RAB38: variants seen among roughly 807,000 people sequenced by gnomAD.
The protein encoded by RAB38 is RAB38, member RAS oncogene family, also known as ras-related protein Rab-38.
A neutral mutation model predicts 18.4 loss-of-function variants in RAB38; 15 were observed. That is an observed-to-expected ratio of 0.82 (90% confidence interval 0.55 to 1.26). The LOEUF (loss-of-function observed/expected upper bound fraction) is 1.26, where lower values mean the gene tolerates loss of function less well. Among genes scored for constraint, RAB38 ranks in the 50% most tolerant of loss-of-function variants. The pLI, the probability that RAB38 is intolerant of heterozygous loss-of-function variation, is 0.00. For missense variants in RAB38, 294 were observed against 267.4 expected (o/e 1.10, Z -0.69); for synonymous variants, 101 against 104.4 (o/e 0.97, Z 0.20).
At chr11:88,051,384 C>T in the RAB38 span, among the ~76,000 whole-genome samples, 3 of 151,658 alleles carry the variant, frequency 2.0e-5, no homozygotes, top group Non-Finnish European at 4.4e-5. Flanking sequence ...TCCTTGACAA[C>T]TGAGTGGTGA....
the RAB38 span, among the ~76,000 whole-genome samples, chr11:88,033,008 A>G: frequency 4.1e-4 from 62 of 152,350 alleles, no homozygotes; most frequent in African/African-American, 1.4e-3. Context: ...CTGGATTAAG[A>G]AAATGTGGCA....
At chr11:87,864,967 A>G in the RAB38 span, among the ~76,000 whole-genome samples, 1 of 151,800 alleles carries the variant, frequency 6.6e-6, no homozygotes, top group Non-Finnish European at 1.5e-5. Flanking sequence ...AATTTGATTG[A>G]GTAAACAGGA....
chr11:87,870,703 C>T, the RAB38 span, among the ~76,000 whole-genome samples: 2 of 151,588 alleles, frequency 1.3e-5, no homozygotes, highest in African/African-American at 4.8e-5. Context: ...AACACAATTG[C>T]TTCTGTCCTC....
the RAB38 span, among the ~76,000 whole-genome samples, chr11:87,921,813 C>T: frequency 6.6e-6 from 1 of 151,496 alleles, no homozygotes; most frequent in Non-Finnish European, 1.5e-5. Context: ...CAGATAGCAG[C>T]TAGTTTATTT....
chr11:88,043,195 G>A, the RAB38 span, among the ~76,000 whole-genome samples: 67 of 152,168 alleles, frequency 4.4e-4, no homozygotes, highest in African/African-American at 1.5e-3. Context: ...ACTCTTCCAT[G>A]TGATCATGCC....
chr11:87,966,638 G>A, the RAB38 span, among the ~76,000 whole-genome samples: 1 of 152,074 alleles, frequency 6.6e-6, no homozygotes, highest in African/African-American at 2.4e-5. Context: ...CAAAGCACAG[G>A]TCATAGATTT....
the RAB38 span, among the ~76,000 whole-genome samples, chr11:87,818,273 A>T: frequency 3.3e-5 from 5 of 152,154 alleles, no homozygotes; most frequent in African/African-American, 1.2e-4. Context: ...ACAATTCATA[A>T]TTTTTATATT....
the RAB38 span, among the ~76,000 whole-genome samples, chr11:87,965,370 G>T: frequency 6.6e-6 from 1 of 152,040 alleles, no homozygotes; most frequent in Non-Finnish European, 1.5e-5. Context: ...CCACTCTGGA[G>T]ATTGCCTTTC....
chr11:87,965,998 G>A, the RAB38 span, among the ~76,000 whole-genome samples: 19 of 152,184 alleles, frequency 1.2e-4, no homozygotes, highest in Admixed American at 1.1e-3. Flanking sequence ...TGTGTGTTGT[G>A]GGCCTCAGTA....
the RAB38 span, among the ~76,000 whole-genome samples, chr11:87,932,751 G>A: frequency 6.6e-6 from 1 of 152,048 alleles, no homozygotes; most frequent in Non-Finnish European, 1.5e-5. Context: ...GTTGTCCAGT[G>A]TGTAGGCAAA....
At chr11:87,954,568 G>T in the RAB38 span, among the ~76,000 whole-genome samples, 22 of 151,970 alleles carry the variant, frequency 1.4e-4, no homozygotes, top group African/African-American at 4.4e-4. Context: ...AGAAATTTCT[G>T]TGCCTTATCT....
the RAB38 span, among the ~76,000 whole-genome samples, chr11:87,950,195 G>A: frequency 6.6e-6 from 1 of 152,116 alleles, no homozygotes; most frequent in African/African-American, 2.4e-5. Context: ...TTTTATCAGA[G>A]ACTAGGATTG....
intron 2 of RAB38, among the ~76,000 whole-genome samples, chr11:88,117,770 A>G (rs1039713044): frequency 1.3e-5 from 2 of 152,222 alleles, no homozygotes; most frequent in Non-Finnish European, 2.9e-5. Flanking sequence ...TCTGTAAAAG[A>G]GAGAATTCAA....
In RAB38 at chr11:88,175,261, T is replaced by C. The variant is rs147888744; in HGVS notation, c.124A>G (p.Ile42Val). 1.7e-3 allele frequency: 2,665 copies of C among 1,614,104 alleles called. 3 individuals are homozygous for C. Among genetic ancestry groups the C allele is most frequent in the Non-Finnish European group, 1.9e-3 (2,208 of 1,180,020 alleles). The change falls in exon 1 of 3, where the codon ATC (isoleucine) becomes GTC (valine). Residue 42 changes from isoleucine to valine, a missense_variant. Physicochemically the swap from Ile to Val is conservative, Grantham distance 29. Coordinates refer to ENST00000243662, the MANE Select transcript of RAB38 (RefSeq NM_022337.3). ...ACCTTGAGCGCGAAGTCCACGCCGATTGTGGCCCGGTAGTGCGAAGAGAAG... is the reference window on the plus strand; with the variant it reads ...ACCTTGAGCGCGAAGTCCACGCCGACTGTGGCCCGGTAGTGCGAAGAGAAG... ...QNFSSHYRAT[I>V]GVDFALKVLH...
At chr11:88,022,348 C>G in the RAB38 span, among the ~76,000 whole-genome samples, 2 of 151,136 alleles carry the variant, frequency 1.3e-5, no homozygotes, top group Non-Finnish European at 2.9e-5. Flanking sequence ...AGGAACATAT[C>G]TGAATGTAAT....
At chr11:87,948,822 T>C in the RAB38 span, among the ~76,000 whole-genome samples, 7 of 151,960 alleles carry the variant, frequency 4.6e-5, no homozygotes, top group Non-Finnish European at 8.8e-5. Context: ...TTTGCATCAA[T>C]GTTCATCAAG....
At chr11:88,044,787 T>C in the RAB38 span, among the ~76,000 whole-genome samples, 10 of 152,040 alleles carry the variant, frequency 6.6e-5, no homozygotes, top group Non-Finnish European at 1.5e-5. Context: ...CTAATCTTCC[T>C]TTTCTACAGA....
At chr11:88,005,485 GTTT>G in the RAB38 span, among the ~76,000 whole-genome samples, 1 of 150,900 alleles carries the variant, frequency 6.6e-6, no homozygotes, top group Non-Finnish European at 1.5e-5. Context: ...TATAGAAATT[GTTT>G]TTTATTAATT....
the RAB38 span, among the ~76,000 whole-genome samples, chr11:87,862,946 C>T: frequency 2.2e-4 from 34 of 151,748 alleles, no homozygotes; most frequent in African/African-American, 8.0e-4. Flanking sequence ...TTTTAAATAG[C>T]AGTCACTCTA....
Sources: gnomAD v4.1 joint callset for allele counts (sites outside exome capture counted in the v4.1 genomes callset) on GRCh38, gnomAD v4.1.1 for gene constraint, MANE v1.5 for transcripts, NCBI Gene and HGNC (gene_info 2026-07-23, HGNC 2026-07-21) for gene names.